The following NOVA1 variants were observed in gnomAD, a reference collection of about 807,000 sequenced individuals.
The protein encoded by NOVA1 is RNA-binding protein Nova-1.
In NOVA1, 7 loss-of-function variants were observed where a neutral mutation model predicts 38.0. The observed-to-expected ratio is 0.18, with a 90% CI of 0.10 to 0.35. NOVA1 has a LOEUF of 0.35. Among genes scored for constraint, NOVA1 ranks in the 10% least tolerant of loss-of-function variants. The pLI is 1.00. For synonymous variants in NOVA1, 270 were observed against 232.5 expected, an observed-to-expected ratio of 1.16 and a Z score of -1.47; for missense variants, 460 against 616.0, an observed-to-expected ratio of 0.75 and a Z score of 2.68.
chr14:26,480,619 C>T (rs1351724858), intron 2 of NOVA1, among the ~76,000 whole-genome samples: 3 of 151,732 alleles, frequency 2.0e-5, no homozygotes, highest in Non-Finnish European at 4.4e-5. Context: ...TCACTTACCA[C>T]GCTCTTCCTT....
chr14:26,479,965 C>G lies in NOVA1; in HGVS notation c.447+12G>C, dbSNP rs552856648. ...TGGATATTTCTCTTTGATTTCTCAA[C>G]TAAACACTCACTTGTTTGATGCGAT... On this transcript the variant is annotated intron_variant, in intron 3 of 4. Transcript: ENST00000539517. The G allele has an allele frequency of 6.2e-7, 1 of 1,612,576 alleles. No individual in the cohort carries two copies. Among genetic ancestry groups the G allele is most frequent in the South Asian group, 1.1e-5 (1 of 90,900 alleles).
chr14:26,487,147 G>A (rs1885982615), intron 2 of NOVA1, among the ~76,000 whole-genome samples: 1 of 152,128 alleles, frequency 6.6e-6, no homozygotes, highest in Non-Finnish European at 1.5e-5. Context: ...GAAGGACATT[G>A]AAGGGTTTTC....
Position 26,498,185 on chromosome 14 carries a change from G to A in NOVA1, c.281-18042C>T, listed in dbSNP as rs369548034. Among the ~76,000 whole-genome samples, 16 of 151,674 alleles carry A rather than the reference G, an allele frequency of 1.1e-4. No individual in the cohort carries two copies. The South Asian group carries it at 2.5e-3, about 24-fold the overall frequency. ...CGCCTTTCTCCTGCCTCAGCCTCCC[G>A]AGTAGCTGGGACTACAGGCGCCCGC... On this transcript the variant is annotated intron_variant, in intron 2 of 4. Transcript: ENST00000539517.
intron 4 of NOVA1, among the ~76,000 whole-genome samples, chr14:26,449,633 A>G (rs942876365): frequency 2.6e-5 from 4 of 152,120 alleles, no homozygotes; most frequent in African/African-American, 4.8e-5. Flanking sequence ...TAATTTTTCA[A>G]TGGCTTGGGG....
chr14:26,490,855 T>TTC (rs1368864147), intron 2 of NOVA1, among the ~76,000 whole-genome samples: 1 of 143,796 alleles, frequency 7.0e-6, no homozygotes, highest in African/African-American at 2.6e-5. Flanking sequence ...TTTTTTTTTT[T>TTC]TTTTTTTTTT....
Position 26,445,964 on chromosome 14 carries a change from C to T in NOVA1, c.*1995G>A, listed in dbSNP as rs958846292. ...GCGGCAATGCTAACCACTGATTCCACGAGATACACTATTTGTCAAAACTTA... is the reference window on the plus strand; with the variant it reads ...GCGGCAATGCTAACCACTGATTCCATGAGATACACTATTTGTCAAAACTTA... On this transcript the variant is annotated 3_prime_UTR_variant, in exon 5 of 5. Coordinates refer to ENST00000539517, the MANE Select transcript of NOVA1 (RefSeq NM_002515.3). The T allele has an allele frequency of 4.6e-5, 7 of 152,492 alleles. No individual in the cohort carries two copies. The highest frequency in any genetic ancestry group is 1.4e-4 in the African/African-American group (6 of 41,412). 9.4% of individuals were successfully genotyped at this position (152,492 alleles called of 1,614,324 possible). A position where few individuals can be genotyped will look rare whatever the true frequency, so the allele number is the denominator to read the frequency against.
intron 2 of NOVA1, among the ~76,000 whole-genome samples, chr14:26,552,259 G>A (rs1167630008): frequency 6.6e-6 from 1 of 152,054 alleles, no homozygotes; most frequent in Non-Finnish European, 1.5e-5. Flanking sequence ...GTGGAATAGA[G>A]TTCATGTAAG....
chr14:26,501,816 TAATC>T (rs952320810), intron 2 of NOVA1, among the ~76,000 whole-genome samples: 1 of 151,938 alleles, frequency 6.6e-6, no homozygotes, highest in Non-Finnish European at 1.5e-5. Flanking sequence ...GCTATTAAAA[TAATC>T]AATCATAAAT....
At chr14:26,543,777 C>A (rs1366046118) in intron 2 of NOVA1, among the ~76,000 whole-genome samples, 1 of 151,954 alleles carries the variant, frequency 6.6e-6, no homozygotes, top group Non-Finnish European at 1.5e-5. Flanking sequence ...TCAGTTTCAG[C>A]CAATGATCCA....
At chr14:26,493,527 T>A (rs1002784261) in intron 2 of NOVA1, among the ~76,000 whole-genome samples, 2 of 152,222 alleles carry the variant, frequency 1.3e-5, no homozygotes, top group Non-Finnish European at 2.9e-5. Context: ...CAGAGTGTGA[T>A]CCCTGTCAGG....
chr14:26,597,956 G>A lies in NOVA1; in HGVS notation c.-520C>T, dbSNP rs1404615853. 6.6e-6 allele frequency among the ~76,000 whole-genome samples: 1 copy of A among 151,666 alleles called. No homozygotes were observed. The highest frequency in any genetic ancestry group is 2.4e-5 in the African/African-American group (1 of 41,320). ...AGGGCAGGAGCCGGGAAGGAGCGCGGCGGTCCCCGCGCCGCGCTAGCGTTG... is the reference window on the plus strand; with the variant it reads ...AGGGCAGGAGCCGGGAAGGAGCGCGACGGTCCCCGCGCCGCGCTAGCGTTG... On this transcript the variant is annotated 5_prime_UTR_variant, in exon 1 of 5. Coordinates refer to ENST00000539517, the MANE Select transcript of NOVA1 (RefSeq NM_002515.3).
At chr14:26,542,530 A>G (rs1448751409) in intron 2 of NOVA1, among the ~76,000 whole-genome samples, 2 of 151,840 alleles carry the variant, frequency 1.3e-5, no homozygotes, top group Non-Finnish European at 3.0e-5. Context: ...TAATCACTCA[A>G]AATAACAGGA....
intron 3 of NOVA1, chr14:26,479,759 A>C (rs1333669571): frequency 4.4e-6 from 2 of 452,564 alleles, no homozygotes; most frequent in Non-Finnish European, 7.7e-6. Flanking sequence ...GTGCTCCTCA[A>C]TGTAACACTA....
rs949865695 is a variant in NOVA1, at chr14:26,479,817, G to T, written c.447+160C>A. The T allele has an allele frequency of 1.2e-5, 8 of 665,214 alleles. No homozygotes were observed. In the East Asian group the frequency reaches 2.2e-4, roughly 18 times the overall value. 41.2% of individuals were successfully genotyped at this position (665,214 alleles called of 1,614,324 possible). A position where few individuals can be genotyped will look rare whatever the true frequency, so the allele number is the denominator to read the frequency against. On this transcript the variant is annotated intron_variant, in intron 3 of 4. Coordinates refer to ENST00000539517, the MANE Select transcript of NOVA1 (RefSeq NM_002515.3). ...CAATAAATTAACTGATCAATCTAAGGATGAGACCTTGATAGTCTTTAAATA... is the reference window on the plus strand; with the variant it reads ...CAATAAATTAACTGATCAATCTAAGTATGAGACCTTGATAGTCTTTAAATA...
At chr14:26,520,046 T>A (rs1329892949) in intron 2 of NOVA1, among the ~76,000 whole-genome samples, 1 of 152,184 alleles carries the variant, frequency 6.6e-6, no homozygotes, top group Non-Finnish European at 1.5e-5. Context: ...CAGGGTTAGG[T>A]CCCTATGAAC....
At chr14:26,461,205 T>C (rs1883634760) in intron 4 of NOVA1, among the ~76,000 whole-genome samples, 1 of 152,144 alleles carries the variant, frequency 6.6e-6, no homozygotes. Context: ...GAGCCATATA[T>C]GGGATGTAAA....
At chr14:26,514,586 C>A in intron 2 of NOVA1, among the ~76,000 whole-genome samples, 1 of 151,862 alleles carries the variant, frequency 6.6e-6, no homozygotes, top group Non-Finnish European at 1.5e-5. Context: ...GTGTGCAGTT[C>A]TTCAGACAGT....
At position 26,448,477 on chromosome 14, in the gene NOVA1, GACCTAA is replaced by G; in HGVS notation, c.1000_1005del (p.Gly335_Leu336del). On this transcript the variant is annotated inframe_deletion, in exon 5 of 5. Coordinates refer to ENST00000539517, the MANE Select transcript of NOVA1 (RefSeq NM_002515.3). This position sits in a 1 kb window ranked among gnomAD's most constrained non-coding sequence, Gnocchi z 5.3. ...GCCCCTGTTGCTGCTGCTTGACTGA[GACCTAA>G]ACCTAAAGTGTTGAGATTATATCCA... 1 of 1,613,774 alleles carries G rather than the reference GACCTAA, an allele frequency of 6.2e-7. No homozygotes were observed.
At chr14:26,596,921 C>A (rs1159047759) in intron 1 of NOVA1, 2 of 1,176,932 alleles carry the variant, frequency 1.7e-6, no homozygotes, top group Non-Finnish European at 2.1e-6. Context: ...TTAAACGCAG[C>A]GCGCATCTTC....
Sources: gnomAD v4.1 joint callset for allele counts (sites outside exome capture counted in the v4.1 genomes callset) on GRCh38, gnomAD v4.1.1 for gene constraint, Gnocchi (gnomAD v3.1) non-coding constraint, MANE v1.5 for transcripts, NCBI Gene and HGNC (gene_info 2026-07-23, HGNC 2026-07-21) for gene names.